NUDCD3: variants seen among roughly 807,000 people sequenced by gnomAD.
The protein encoded by NUDCD3 is NudC domain containing 3, also known as nudC domain-containing protein 3.
NUDCD3 carries 13 observed loss-of-function variants against 39.7 expected under a neutral mutation model. That is an observed-to-expected ratio of 0.33 (90% confidence interval 0.21 to 0.52). The LOEUF (loss-of-function observed/expected upper bound fraction) is 0.52. Among genes scored for constraint, NUDCD3 ranks in the 20% least tolerant of loss-of-function variants. NUDCD3 has a pLI of 0.96. For synonymous variants in NUDCD3, 175 were observed against 172.4 expected, an observed-to-expected ratio of 1.02 and a Z score of -0.12; for missense variants, 453 against 458.1, an observed-to-expected ratio of 0.99 and a Z score of 0.10.
chr7:44,434,051 G>A (rs1799419959), intron 2 of NUDCD3, among the ~76,000 whole-genome samples: 1 of 152,096 alleles, frequency 6.6e-6, no homozygotes, highest in Non-Finnish European at 1.5e-5. Flanking sequence ...TACAAAATAA[G>A]CATTATTATA....
chr7:44,444,843 T>C (rs1275446997), intron 2 of NUDCD3, among the ~76,000 whole-genome samples: 1 of 152,234 alleles, frequency 6.6e-6, no homozygotes, highest in Non-Finnish European at 1.5e-5. Context: ...ACCAGCCTTC[T>C]GTTCAGGCTG....
Position 44,379,387 on chromosome 7 carries a change from G to C in NUDCD3, c.*6624C>G, listed in dbSNP as rs1025650415. ...GGCAGTTGGCGGGGCGGGGCGGGGT[G>C]GGGGGGAACAGGGGACAGGGGTGGT... On this transcript the variant is annotated 3_prime_UTR_variant, in exon 6 of 6. Coordinates refer to ENST00000355451, the MANE Select transcript of NUDCD3 (RefSeq NM_015332.4). 2 of 151,428 alleles carry C rather than the reference G, an allele frequency of 1.3e-5. No homozygotes were observed. Among genetic ancestry groups the C allele is most frequent in the Non-Finnish European group, 2.9e-5 (2 of 67,850 alleles). The allele number at this position is 151,428 out of a possible 1,614,324, so 9.4% of individuals were successfully genotyped here.
At chr7:44,478,970 G>A (rs1585107516) in intron 2 of NUDCD3, among the ~76,000 whole-genome samples, 1 of 152,178 alleles carries the variant, frequency 6.6e-6, no homozygotes, top group East Asian at 1.9e-4. Context: ...GTTCAGCATG[G>A]CTGGGGAGGC....
intron 4 of NUDCD3, among the ~76,000 whole-genome samples, chr7:44,399,322 G>A (rs1352960217): frequency 1.3e-5 from 2 of 152,220 alleles, no homozygotes; most frequent in East Asian, 3.8e-4. Context: ...AAACGCTGAG[G>A]GCTCTCCCTA....
chr7:44,442,840 C>A (rs1463079010), intron 2 of NUDCD3, among the ~76,000 whole-genome samples: 15 of 151,978 alleles, frequency 9.9e-5, no homozygotes, highest in Admixed American at 9.8e-4. Context: ...GGACTACAGG[C>A]GCCCACCACT....
At chr7:44,389,935 A>G (rs1218637431) in intron 5 of NUDCD3, among the ~76,000 whole-genome samples, 1 of 152,230 alleles carries the variant, frequency 6.6e-6, no homozygotes, top group Non-Finnish European at 1.5e-5. Flanking sequence ...GGCAACTCCA[A>G]TGATGAGCAG....
chr7:44,468,103 G>A, intron 2 of NUDCD3: 4 of 1,610,094 alleles, frequency 2.5e-6, no homozygotes, highest in Non-Finnish European at 3.4e-6. Context: ...CAAAGCACAT[G>A]CTGCCCAGTG....
At chr7:44,386,642 G>C (rs956697743) in intron 5 of NUDCD3, among the ~76,000 whole-genome samples, 4 of 152,214 alleles carry the variant, frequency 2.6e-5, no homozygotes, top group Non-Finnish European at 5.9e-5. Context: ...ATCCAGGGTT[G>C]ACCCAGGATG....
Position 44,486,935 on chromosome 7 carries a change from T to G in NUDCD3, c.193-1651A>C, listed in dbSNP as rs143663186. On this transcript the variant is annotated intron_variant, in intron 1 of 5. Transcript: ENST00000355451. ...AGAACATAGGGCTGGAAGAGAACTC[T>G]AATCTGTAACCTCCAATCAATCTTC... 7.2e-5 allele frequency among the ~76,000 whole-genome samples: 11 copies of G among 152,314 alleles called. No individual in the cohort carries two copies. In the East Asian group the frequency reaches 1.9e-3, roughly 27 times the overall value.
rs1431837309 is a variant in NUDCD3 at position 44,383,190 on chromosome 7, T to C, written c.*2821A>G. On this transcript the variant is annotated 3_prime_UTR_variant, in exon 6 of 6. Transcript: ENST00000355451. Reference sequence around the variant, plus strand: ...GGCGTTATGTCCTGGAGGAAGCCCATTGCGAGGGCTCAGCAAAGTTAACAG... The same window carrying C: ...GGCGTTATGTCCTGGAGGAAGCCCACTGCGAGGGCTCAGCAAAGTTAACAG... The C allele has an allele frequency of 2.6e-5, 4 of 152,216 alleles. No homozygotes were observed. The highest frequency in any genetic ancestry group is 4.8e-5 in the African/African-American group (2 of 41,452). 9.4% of individuals were successfully genotyped at this position (152,216 alleles called of 1,614,324 possible).
intron 2 of NUDCD3, among the ~76,000 whole-genome samples, chr7:44,430,570 T>A (rs3221459): frequency 0.18 from 22,315 of 125,754 alleles, 1,863 homozygotes; most frequent in African/African-American, 0.23. Context: ...ACACACACAC[T>A]CACACACACA....
At chr7:44,427,482 A>G (rs753976459) in intron 3 of NUDCD3, 89 bp downstream of exon 3, 25 of 1,441,918 alleles carry the variant, frequency 1.7e-5, no homozygotes, top group Non-Finnish European at 2.3e-5. Context: ...CGATCTCAAC[A>G]CTCCCTCAAG....
chr7:44,440,109 A>G (rs1799547622), intron 2 of NUDCD3, among the ~76,000 whole-genome samples: 2 of 152,206 alleles, frequency 1.3e-5, no homozygotes, highest in South Asian at 4.1e-4. Context: ...GGGTACAGAG[A>G]GGGGACAACG....
At chr7:44,453,760 T>C (rs1225278296) in intron 2 of NUDCD3, among the ~76,000 whole-genome samples, 1 of 152,200 alleles carries the variant, frequency 6.6e-6, no homozygotes, top group African/African-American at 2.4e-5. Context: ...TAATAAAAGC[T>C]TGGCCAGGCG....
Position 44,476,974 on chromosome 7 carries a change from T to A in NUDCD3, c.509+7994A>T, listed in dbSNP as rs189436582. On this transcript the variant is annotated intron_variant, in intron 2 of 5. Transcript: ENST00000355451. Reference sequence around the variant, plus strand: ...GCAGCCTGATGATGATGATGAAGTATCTGCCAAGGACACTATTAGGAAACC... The same window carrying A: ...GCAGCCTGATGATGATGATGAAGTAACTGCCAAGGACACTATTAGGAAACC... Among the ~76,000 whole-genome samples, 28 of 152,190 alleles carry A rather than the reference T, an allele frequency of 1.8e-4. No homozygotes were observed. In the East Asian group the frequency reaches 4.2e-3, roughly 23 times the overall value.
At chr7:44,420,882 C>G (rs893042853) in intron 3 of NUDCD3, among the ~76,000 whole-genome samples, 1 of 152,142 alleles carries the variant, frequency 6.6e-6, no homozygotes, top group African/African-American at 2.4e-5. Flanking sequence ...CCGGTACCAG[C>G]CACTGCAAAA....
chr7:44,402,171 C>G (rs1265405618), intron 4 of NUDCD3, among the ~76,000 whole-genome samples: 1 of 152,204 alleles, frequency 6.6e-6, no homozygotes, highest in Non-Finnish European at 1.5e-5. Context: ...ACCCGCTTCG[C>G]AAGCTACTTA....
chr7:44,388,173 G>A (rs1465573489), intron 5 of NUDCD3, among the ~76,000 whole-genome samples: 1 of 152,210 alleles, frequency 6.6e-6, no homozygotes, highest in Non-Finnish European at 1.5e-5. Context: ...TTGAAATCTT[G>A]GCAAATTTAG....
At chr7:44,392,068 C>T (rs1293205613) in intron 5 of NUDCD3, among the ~76,000 whole-genome samples, 1 of 152,244 alleles carries the variant, frequency 6.6e-6, no homozygotes, top group African/African-American at 2.4e-5. Context: ...GTTAACTGGG[C>T]TCTCAGCCCA....
Sources: gnomAD v4.1 joint callset for allele counts (sites outside exome capture counted in the v4.1 genomes callset) on GRCh38, gnomAD v4.1.1 for gene constraint, MANE v1.5 for transcripts, NCBI Gene and HGNC (gene_info 2026-07-23, HGNC 2026-07-21) for gene names.